Variants in PTK2 observed in about 807,000 individuals in gnomAD.
PTK2 encodes focal adhesion kinase 1.
PTK2 carries 45 observed loss-of-function variants against 150.1 expected under a neutral mutation model. The ratio of observed to expected loss-of-function variants is 0.30; its 90% CI spans 0.24 to 0.38. PTK2 has a LOEUF of 0.38. Among genes scored for constraint, PTK2 ranks in the 10% least tolerant of loss-of-function variants. The probability of loss-of-function intolerance (pLI) is 1.00; values close to 1 mark genes in which losing one functional copy is unlikely to be tolerated. For synonymous variants in PTK2, 432 were observed against 449.2 expected (o/e 0.96, Z 0.48); for missense variants, 919 against 1,307.3 (o/e 0.70, Z 4.58).
chr8:140,839,562 G>A (rs561164081), intron 7 of PTK2, among the ~76,000 whole-genome samples: 1 of 152,272 alleles, frequency 6.6e-6, no homozygotes, highest in Non-Finnish European at 1.5e-5. Context: ...GAAATGGAAT[G>A]TCTAGAAATG....
At chr8:140,768,514 C>CT (rs748287843) in intron 14 of PTK2, among the ~76,000 whole-genome samples, 2 of 152,226 alleles carry the variant, frequency 1.3e-5, no homozygotes, top group Middle Eastern at 3.2e-3. Flanking sequence ...TAGTCAGCTG[C>CT]TGACTGGATG....
intron 30 of PTK2, among the ~76,000 whole-genome samples, chr8:140,666,163 C>A (rs911696084): frequency 1.3e-5 from 2 of 152,096 alleles, no homozygotes; most frequent in Non-Finnish European, 2.9e-5. Context: ...CAGGGTGAAA[C>A]CCCGTCTCTA....
intron 18 of PTK2, among the ~76,000 whole-genome samples, chr8:140,746,232 T>G (rs961283821): frequency 2.0e-5 from 3 of 151,912 alleles, no homozygotes; most frequent in African/African-American, 7.3e-5. Context: ...CTCGGGAAGT[T>G]GAGGTGGGAG....
At chr8:140,975,825 T>C (rs1451947329) in intron 1 of PTK2, among the ~76,000 whole-genome samples, 2 of 152,172 alleles carry the variant, frequency 1.3e-5, no homozygotes, top group East Asian at 1.9e-4. Flanking sequence ...ACTATAACAG[T>C]CTCACTCCCC....
At chr8:140,862,655 C>T (rs182247845) in intron 5 of PTK2, among the ~76,000 whole-genome samples, 202 of 152,248 alleles carry the variant, frequency 1.3e-3, no homozygotes, top group Middle Eastern at 0.01. Flanking sequence ...TGTGGGCAAG[C>T]GAGCATTACC....
intron 17 of PTK2, 50 bp from the exon 21 acceptor site, chr8:140,746,910 T>TTA: frequency 9.2e-7 from 1 of 1,091,908 alleles, no homozygotes; most frequent in Non-Finnish European, 1.3e-6. Context: ...TTTTTTTTTT[T>TTA]AGACGGAGTC....
At chr8:140,697,446 G>A (rs995827530) in intron 26 of PTK2, among the ~76,000 whole-genome samples, 2 of 151,280 alleles carry the variant, frequency 1.3e-5, no homozygotes, top group African/African-American at 4.9e-5. Flanking sequence ...GTGTGTGTGT[G>A]TGTGTGTGTT....
chr8:140,872,704 T>C (rs1010875070), intron 4 of PTK2, among the ~76,000 whole-genome samples: 1 of 152,246 alleles, frequency 6.6e-6, no homozygotes, highest in Non-Finnish European at 1.5e-5. Context: ...GGCCTTCCAG[T>C]GACTTCTGAA....
At position 140,678,201 on chromosome 8, in the gene PTK2, G is replaced by A. The variant is rs568102383; in HGVS notation, c.2563-2702C>T. On this transcript the variant is annotated intron_variant, in intron 27 of 31. Coordinates refer to ENST00000522684, the Ensembl canonical transcript of PTK2. Reference sequence around the variant, plus strand: ...AGCTGGGATTACAAACGCCCGCCACGATGCCTGGCTATGTTTTTGTATTTT... The same window carrying A: ...AGCTGGGATTACAAACGCCCGCCACAATGCCTGGCTATGTTTTTGTATTTT... 8.2e-4 allele frequency among the ~76,000 whole-genome samples: 124 copies of A among 151,708 alleles called. 4 individuals carry two copies. The highest frequency in any genetic ancestry group is 1.2e-4 in the Non-Finnish European group (8 of 67,924).
chr8:140,967,253 A>G (rs545402444), intron 1 of PTK2, among the ~76,000 whole-genome samples: 2 of 152,216 alleles, frequency 1.3e-5, no homozygotes, highest in Non-Finnish European at 2.9e-5. Flanking sequence ...AATATTGTTA[A>G]AACAATAAAC....
chr8:140,713,386 G>A (rs1380353810), intron 23 of PTK2, among the ~76,000 whole-genome samples: 3 of 152,166 alleles, frequency 2.0e-5, no homozygotes, highest in South Asian at 2.1e-4. Context: ...TCAGCCTCCT[G>A]GGTAGCTGGG....
intron 3 of PTK2, among the ~76,000 whole-genome samples, chr8:140,884,655 A>C (rs534201626): frequency 3.9e-5 from 6 of 151,996 alleles, no homozygotes; most frequent in Admixed American, 2.0e-4. Flanking sequence ...CTCAGGGAAA[A>C]CTCCCTGAAG....
intron 1 of PTK2, among the ~76,000 whole-genome samples, chr8:140,928,957 A>ATTTTTTTTTTT (rs34658967): frequency 1.1e-5 from 1 of 92,232 alleles, no homozygotes; most frequent in Non-Finnish European, 2.0e-5. Context: ...TTTTATCACA[A>ATTTTTTTTTTT]TTTTTTTTTT....
chr8:140,754,911 T>G (rs1232401345), intron 16 of PTK2, among the ~76,000 whole-genome samples: 1 of 152,214 alleles, frequency 6.6e-6, no homozygotes. Flanking sequence ...TTCTAAAAAC[T>G]AAAAAGTTAC....
chr8:140,738,034 T>C (rs2100053586), intron 21 of PTK2, among the ~76,000 whole-genome samples: 1 of 152,196 alleles, frequency 6.6e-6, no homozygotes, highest in African/African-American at 2.4e-5. Flanking sequence ...TAAGAACACA[T>C]ACTGGATCAA....
At chr8:140,666,274 G>A (rs2091541230) in intron 30 of PTK2, among the ~76,000 whole-genome samples, 1 of 152,166 alleles carries the variant, frequency 6.6e-6, no homozygotes, top group Non-Finnish European at 1.5e-5. Flanking sequence ...GGAGGCAGGG[G>A]TTGCAGTGAA....
At chr8:140,964,546 AATTTT>A (rs1231508639) in intron 1 of PTK2, among the ~76,000 whole-genome samples, 9 of 122,950 alleles carry the variant, frequency 7.3e-5, no homozygotes, top group African/African-American at 2.9e-4. Context: ...AGCCCCAGGT[AATTTT>A]TTTTTTTTTT....
intron 23 of PTK2, among the ~76,000 whole-genome samples, chr8:140,715,084 A>G (rs1420128367): frequency 6.8e-6 from 1 of 147,736 alleles, no homozygotes; most frequent in Non-Finnish European, 1.5e-5. Context: ...TTAACATATT[A>G]GTATTTGTTA....
chr8:140,691,288 A>C (rs1279231928), intron 26 of PTK2, among the ~76,000 whole-genome samples: 1 of 152,056 alleles, frequency 6.6e-6, no homozygotes, highest in Non-Finnish European at 1.5e-5. Flanking sequence ...CTAAGAAAGG[A>C]ATTACTAAGT....
Sources: allele counts gnomAD v4.1 joint callset (sites outside exome capture counted in the v4.1 genomes callset), GRCh38; gene constraint gnomAD v4.1.1; transcripts MANE v1.5; gene names NCBI Gene and HGNC (gene_info 2026-07-23, HGNC 2026-07-21).